Variants in PTPRG observed in about 807,000 individuals in gnomAD.
PTPRG encodes protein tyrosine phosphatase receptor type G, also known as receptor-type tyrosine-protein phosphatase gamma.
PTPRG carries 102 observed loss-of-function variants against 165.3 expected under a neutral mutation model. The observed-to-expected ratio is 0.62, with a 90% confidence interval of 0.53 to 0.73. The LOEUF is 0.73. Among genes scored for constraint, PTPRG ranks in the 30% least tolerant of loss-of-function variants. The pLI is 0.00. For missense variants in PTPRG, 1,866 were observed against 1,861.4 expected (o/e 1.00, Z -0.05); for synonymous variants, 675 against 669.5 (o/e 1.01, Z -0.13).
intron 2 of PTPRG, among the ~76,000 whole-genome samples, chr3:61,859,526 T>C (rs571718442): frequency 6.6e-6 from 1 of 152,202 alleles, no homozygotes; most frequent in Non-Finnish European, 1.5e-5. Flanking sequence ...TTTGGAAAAA[T>C]TTGTTTAAGC....
At chr3:61,869,696 A>G (rs2037510305) in intron 2 of PTPRG, among the ~76,000 whole-genome samples, 2 of 151,596 alleles carry the variant, frequency 1.3e-5, no homozygotes, top group African/African-American at 2.4e-5. Context: ...TTCCCCCCTC[A>G]GCCTCCCGAG....
In PTPRG at chr3:61,769,996, T is replaced by C. The variant is rs1188220658; in HGVS notation, c.190+21014T>C. ...ATAGTATGGAAGAGTATAGAATTATTACATGGTAAAGGTGGCTGTGATTTT... is the reference window on the plus strand; with the variant it reads ...ATAGTATGGAAGAGTATAGAATTATCACATGGTAAAGGTGGCTGTGATTTT... On this transcript the variant is annotated intron_variant, in intron 2 of 29. Transcript: ENST00000474889. The C allele has an allele frequency of 2.0e-5, 3 of 152,348 alleles. No individual in the cohort carries two copies. The East Asian group carries it at 5.8e-4, about 29-fold the overall frequency. The allele number at this position is 152,348 out of a possible 1,614,324, so 9.4% of individuals were successfully genotyped here.
chr3:61,744,336 G>A (rs1031509747), intron 1 of PTPRG, among the ~76,000 whole-genome samples: 12 of 152,224 alleles, frequency 7.9e-5, no homozygotes, highest in African/African-American at 2.2e-4. Context: ...GTCCTCAGAC[G>A]CTTTTGTTGT....
intron 1 of PTPRG, among the ~76,000 whole-genome samples, chr3:61,607,045 T>C (rs925568064): frequency 3.3e-5 from 5 of 152,176 alleles, no homozygotes; most frequent in Admixed American, 2.6e-4. Context: ...GGGAATAGCA[T>C]TGTCTTAGGA....
chr3:62,021,857 CTTT>C (rs398062374), intron 4 of PTPRG, among the ~76,000 whole-genome samples: 1,136 of 97,106 alleles, frequency 0.012, 16 homozygotes, highest in African/African-American at 0.04. Context: ...TTTTCCTTTT[CTTT>C]TTTTTTTTTT....
chr3:61,720,602 G>A (rs945539012), intron 1 of PTPRG, among the ~76,000 whole-genome samples: 1 of 152,068 alleles, frequency 6.6e-6, no homozygotes, highest in Non-Finnish European at 1.5e-5. Context: ...CCACTTCAAG[G>A]GCTACTACCG....
chr3:61,883,594 G>C (rs1042203419), intron 2 of PTPRG, among the ~76,000 whole-genome samples: 2 of 152,198 alleles, frequency 1.3e-5, no homozygotes, highest in South Asian at 2.1e-4. Flanking sequence ...AATAGTGTCT[G>C]TGTGTTAGGA....
intron 1 of PTPRG, among the ~76,000 whole-genome samples, chr3:61,726,092 TTAATC>T (rs1361416769): frequency 2.6e-5 from 4 of 152,158 alleles, no homozygotes; most frequent in African/African-American, 9.7e-5. Context: ...CCCCACATAT[TTAATC>T]TAACCTCTCT....
intron 2 of PTPRG, among the ~76,000 whole-genome samples, chr3:61,779,349 GC>G (rs147892431): frequency 0.022 from 3,405 of 152,226 alleles, 129 homozygotes; most frequent in African/African-American, 0.077. Context: ...TTAAGAGTAA[GC>G]CCCCCTATGA....
intron 1 of PTPRG, among the ~76,000 whole-genome samples, chr3:61,679,711 G>A (rs1380317755): frequency 6.6e-6 from 1 of 152,104 alleles, no homozygotes; most frequent in East Asian, 1.9e-4. Flanking sequence ...AACCCGGGAG[G>A]TAGAAGTTGC....
chr3:61,824,732 A>G (rs2036058831), intron 2 of PTPRG, among the ~76,000 whole-genome samples: 1 of 152,242 alleles, frequency 6.6e-6, no homozygotes, highest in Non-Finnish European at 1.5e-5. Context: ...TCAAGGTTGC[A>G]GTGAGCTGTG....
chr3:61,883,407 AAACTTTTCCTGGATTGTTCCAGGAGGAAT>A (rs1470858011), intron 2 of PTPRG, among the ~76,000 whole-genome samples: 1 of 152,096 alleles, frequency 6.6e-6, no homozygotes, highest in Non-Finnish European at 1.5e-5. Flanking sequence ...TGTCCTCCAG[AAACTTTTCCTGGATTGTTCCAGGAGGAAT>A]AACTTCTCCT....
At chr3:62,028,694 A>G (rs971398314) in intron 4 of PTPRG, among the ~76,000 whole-genome samples, 2 of 152,212 alleles carry the variant, frequency 1.3e-5, no homozygotes, top group African/African-American at 2.4e-5. Flanking sequence ...CCTAAACATA[A>G]AAAGATTGTT....
intron 4 of PTPRG, among the ~76,000 whole-genome samples, chr3:62,005,770 T>C (rs936232069): frequency 3.8e-5 from 5 of 131,618 alleles, no homozygotes; most frequent in Non-Finnish European, 6.2e-5. Context: ...GCGCATGATA[T>C]CAGCTCACTG....
At chr3:62,163,761 T>A (rs11923681) in intron 7 of PTPRG, among the ~76,000 whole-genome samples, 14,015 of 152,272 alleles carry the variant, frequency 0.092, 1,619 homozygotes, top group African/African-American at 0.27. Context: ...ATCACAACTC[T>A]TTGAATAGTT....
At chr3:61,768,062 A>G (rs1360760239) in intron 2 of PTPRG, among the ~76,000 whole-genome samples, 3 of 152,094 alleles carry the variant, frequency 2.0e-5, no homozygotes, top group African/African-American at 4.8e-5. Flanking sequence ...GATAGGAAAT[A>G]TAATAATTAG....
intron 2 of PTPRG, among the ~76,000 whole-genome samples, chr3:61,802,507 G>A (rs1050139675): frequency 2.0e-5 from 3 of 152,152 alleles, no homozygotes; most frequent in Non-Finnish European, 2.9e-5. Flanking sequence ...CAGTTATGCC[G>A]GTTTCTTAGG....
At chr3:61,876,748 C>A (rs930069805) in intron 2 of PTPRG, among the ~76,000 whole-genome samples, 1 of 151,994 alleles carries the variant, frequency 6.6e-6, no homozygotes, top group Non-Finnish European at 1.5e-5. Flanking sequence ...GTCTCTAATA[C>A]AAAAAGGTAT....
intron 5 of PTPRG, among the ~76,000 whole-genome samples, chr3:62,088,723 C>T (rs1039505421): frequency 6.6e-6 from 1 of 152,132 alleles, no homozygotes; most frequent in Non-Finnish European, 1.5e-5. Context: ...TTGAAATCAG[C>T]GAGAGCTAGT....
Sources: gnomAD v4.1 joint callset for allele counts (sites outside exome capture counted in the v4.1 genomes callset) on GRCh38, gnomAD v4.1.1 for gene constraint, MANE v1.5 for transcripts, NCBI Gene and HGNC (gene_info 2026-07-23, HGNC 2026-07-21) for gene names.